The following DOCK1 variants were observed in gnomAD, a reference collection of about 807,000 sequenced individuals.
The protein encoded by DOCK1 is dedicator of cytokinesis protein 1.
A neutral mutation model predicts 262.7 loss-of-function variants in DOCK1; 138 were observed. That is an observed-to-expected ratio of 0.53 (90% CI 0.46 to 0.61). The LOEUF (loss-of-function observed/expected upper bound fraction) is 0.61, where lower values mean the gene tolerates loss of function less well. Among genes scored for constraint, DOCK1 ranks in the 20% least tolerant of loss-of-function variants. The pLI is 0.00. For missense variants in DOCK1, 1,908 were observed against 2,370.7 expected (o/e 0.80, Z 4.05); for synonymous variants, 866 against 867.4 (o/e 1.00, Z 0.03).
intron 12 of DOCK1, among the ~76,000 whole-genome samples, chr10:127,016,286 G>A (rs1478044392): frequency 6.6e-6 from 1 of 152,064 alleles, no homozygotes; most frequent in Non-Finnish European, 1.5e-5. Context: ...GAGGAAAGGG[G>A]GTTTCACCAG....
chr10:127,026,274 G>T, intron 15 of DOCK1, 78 bp from the exon 16 acceptor site: 1 of 1,307,450 alleles, frequency 7.6e-7, no homozygotes, highest in South Asian at 1.3e-5. Flanking sequence ...AGTTGTACCT[G>T]ATAGCTCCAG....
chr10:127,386,253 C>T (rs2066112494), intron 38 of DOCK1, among the ~76,000 whole-genome samples: 1 of 152,116 alleles, frequency 6.6e-6, no homozygotes, highest in African/African-American at 2.4e-5. Flanking sequence ...TGTGGGCTCC[C>T]AAAGGCTGGT....
chr10:127,057,343 T>C (rs1267382004), intron 22 of DOCK1, among the ~76,000 whole-genome samples: 2 of 152,230 alleles, frequency 1.3e-5, no homozygotes, highest in African/African-American at 4.8e-5. Flanking sequence ...AAATGGTCTA[T>C]TGTGTTTTCC....
intron 27 of DOCK1, chr10:127,137,691 A>G: frequency 3.0e-6 from 2 of 665,466 alleles, no homozygotes; most frequent in Non-Finnish European, 5.0e-6. Flanking sequence ...CTATTGGTAC[A>G]AAGGCCTTTT....
chr10:127,424,292 G>A (rs953946135), intron 46 of DOCK1, among the ~76,000 whole-genome samples: 4 of 152,108 alleles, frequency 2.6e-5, no homozygotes, highest in African/African-American at 7.2e-5. Context: ...ATTGCAGTTC[G>A]AGCAGCACAA....
intron 49 of DOCK1, among the ~76,000 whole-genome samples, chr10:127,441,530 G>C (rs2070133130): frequency 6.6e-6 from 1 of 152,212 alleles, no homozygotes; most frequent in Non-Finnish European, 1.5e-5. Flanking sequence ...ACCTCCTCCA[G>C]GGGACGGGTG....
intron 23 of DOCK1, among the ~76,000 whole-genome samples, chr10:127,102,021 A>G (rs1201442700): frequency 6.6e-6 from 1 of 152,178 alleles, no homozygotes; most frequent in Non-Finnish European, 1.5e-5. Flanking sequence ...GCTCTTTTGA[A>G]AAGTTGCATC....
At chr10:126,945,985 G>C (rs1331615473) in intron 1 of DOCK1, among the ~76,000 whole-genome samples, 4 of 152,168 alleles carry the variant, frequency 2.6e-5, no homozygotes, top group Non-Finnish European at 5.9e-5. Context: ...AGGCAGAGAC[G>C]CTCTGGACTC....
intron 10 of DOCK1, among the ~76,000 whole-genome samples, chr10:127,005,162 C>T (rs563344534): frequency 2.3e-4 from 35 of 152,064 alleles, no homozygotes; most frequent in Admixed American, 2.2e-3. Flanking sequence ...TATGGTGAAA[C>T]CCCATCCCTA....
rs1016254507 is a variant in DOCK1 at position 127,446,671 on chromosome 10, A to T, written c.5414-723A>T. ...AAAACTCCAAAAGAGACTCATCAGT[A>T]AAAATGTCCATTTTTCTCTCTTTAA... is the stretch of plus-strand genomic sequence containing the variant. On this transcript the variant is annotated intron_variant, in intron 50 of 51. Coordinates refer to ENST00000623213, the MANE Select transcript of DOCK1 (RefSeq NM_001290223.2). The surrounding 1 kb of genome is among the most constrained non-coding windows in gnomAD (Gnocchi z 4.4). Among the ~76,000 whole-genome samples the T allele has an allele frequency of 6.6e-6, 1 of 152,236 alleles. No homozygotes were observed. The highest frequency in any genetic ancestry group is 1.5e-5 in the Non-Finnish European group (1 of 68,046).
chr10:127,339,691 T>C (rs969071257), intron 30 of DOCK1, among the ~76,000 whole-genome samples: 2 of 47,980 alleles, frequency 4.2e-5, no homozygotes, highest in Non-Finnish European at 8.7e-5. Flanking sequence ...TTGCCTGGCC[T>C]GATTTGTGTG....
chr10:126,940,965 A>T (rs2134248766), intron 1 of DOCK1, among the ~76,000 whole-genome samples: 1 of 152,384 alleles, frequency 6.6e-6, no homozygotes, highest in South Asian at 2.1e-4. Context: ...AAATGTAGTC[A>T]TGAATCCATA....
chr10:126,942,602 G>A (rs2035101671), intron 1 of DOCK1, among the ~76,000 whole-genome samples: 3 of 152,072 alleles, frequency 2.0e-5, no homozygotes, highest in South Asian at 2.1e-4. Context: ...AGCCAGCCCC[G>A]AGGGAGCCGA....
intron 48 of DOCK1, among the ~76,000 whole-genome samples, chr10:127,436,623 CT>C (rs1016639025): frequency 2.3e-5 from 3 of 131,060 alleles, no homozygotes; most frequent in Non-Finnish European, 3.3e-5. Flanking sequence ...TTTAACTAAT[CT>C]TTTTTTTTCA....
chr10:127,363,081 G>A lies in DOCK1; in HGVS notation c.3432+869G>A, dbSNP rs558034246. 4.5e-4 allele frequency among the ~76,000 whole-genome samples: 36 copies of A among 79,698 alleles called. 5 individuals carry two copies. The highest frequency in any genetic ancestry group is 2.0e-3 in the African/African-American group (35 of 17,198). 52.3% of individuals were successfully genotyped at this position (79,698 alleles called of 152,430 possible). Reference sequence around the variant, plus strand: ...TACATCCCCACATATACACATATGTGCACACATACACACACATGCACATGC... The same window carrying A: ...TACATCCCCACATATACACATATGTACACACATACACACACATGCACATGC... On this transcript the variant is annotated intron_variant, in intron 33 of 51. Transcript: ENST00000623213.
intron 29 of DOCK1, among the ~76,000 whole-genome samples, chr10:127,308,997 T>A (rs1290880200): frequency 2.0e-5 from 3 of 152,224 alleles, no homozygotes; most frequent in Non-Finnish European, 2.9e-5. Flanking sequence ...TTCTAGATCC[T>A]TGAGGAATCA....
At chr10:127,011,320 G>T (rs1437885637) in intron 11 of DOCK1, among the ~76,000 whole-genome samples, 1 of 152,174 alleles carries the variant, frequency 6.6e-6, no homozygotes, top group Non-Finnish European at 1.5e-5. Flanking sequence ...CACAGGGTTG[G>T]TTTTAGAGAA....
At chr10:127,050,721 G>T (rs1300147663) in intron 21 of DOCK1, among the ~76,000 whole-genome samples, 3 of 147,974 alleles carry the variant, frequency 2.0e-5, no homozygotes, top group Non-Finnish European at 3.0e-5. Context: ...AAAAAAAAAA[G>T]TTTTATGCCC....
At chr10:127,282,233 C>G (rs2060987836) in intron 29 of DOCK1, among the ~76,000 whole-genome samples, 1 of 151,794 alleles carries the variant, frequency 6.6e-6, no homozygotes, top group Non-Finnish European at 1.5e-5. Flanking sequence ...CTCTCTCTCT[C>G]TCTGTCTGTC....
Sources: allele counts gnomAD v4.1 joint callset (sites outside exome capture counted in the v4.1 genomes callset), GRCh38; gene constraint gnomAD v4.1.1; non-coding constraint Gnocchi (gnomAD v3.1); transcripts MANE v1.5; gene names NCBI Gene and HGNC (gene_info 2026-07-23, HGNC 2026-07-21).